Variants in RAB18 observed in about 807,000 individuals in gnomAD.
RAB18 encodes the protein RAB18, member RAS oncogene family.
A neutral mutation model predicts 28.5 loss-of-function variants in RAB18; 10 were observed. That is an observed-to-expected ratio of 0.35 (90% CI 0.22 to 0.60). The LOEUF is 0.60. RAB18 is among the 20% of genes least tolerant of loss of function. The probability of loss-of-function intolerance (pLI) is 0.78; values close to 1 mark genes in which losing one functional copy is unlikely to be tolerated. For missense variants in RAB18, 188 were observed against 244.2 expected (o/e 0.77, Z 1.53); for synonymous variants, 93 against 86.9 (o/e 1.07, Z -0.39).
chr10:27,518,040 C>T (rs1834473095), intron 2 of RAB18, among the ~76,000 whole-genome samples: 1 of 152,066 alleles, frequency 6.6e-6, no homozygotes, highest in South Asian at 2.1e-4. Flanking sequence ...CTTTGAGCTT[C>T]ATCCAAGTTC....
intron 2 of RAB18, 135 bp downstream of exon 2, chr10:27,510,065 G>T: frequency 1.4e-6 from 1 of 725,714 alleles, no homozygotes; most frequent in South Asian, 1.5e-5. Context: ...TGTCCTTCAA[G>T]ACTTAATTTT....
At chr10:27,529,609 T>G (rs529805129) in intron 3 of RAB18, among the ~76,000 whole-genome samples, 1 of 152,080 alleles carries the variant, frequency 6.6e-6, no homozygotes, top group African/African-American at 2.4e-5. Flanking sequence ...AGCCCTGAGT[T>G]TATCTATATA....
chr10:27,521,895 A>G (rs1834562496), intron 2 of RAB18, among the ~76,000 whole-genome samples: 1 of 152,030 alleles, frequency 6.6e-6, no homozygotes, highest in African/African-American at 2.4e-5. Context: ...AAAAAAAACA[A>G]GAGGGTGATG....
At chr10:27,520,744 C>T (rs541999951) in intron 2 of RAB18, among the ~76,000 whole-genome samples, 1 of 151,604 alleles carries the variant, frequency 6.6e-6, no homozygotes, top group East Asian at 1.9e-4. Flanking sequence ...TGGTGAAACC[C>T]CGTCTCTACT....
chr10:27,515,369 T>C (rs997379592), intron 2 of RAB18, among the ~76,000 whole-genome samples: 15 of 152,182 alleles, frequency 9.9e-5, no homozygotes, highest in African/African-American at 3.1e-4. Context: ...CTTTAAAAAC[T>C]ATTTTCAAAT....
intron 1 of RAB18, among the ~76,000 whole-genome samples, chr10:27,507,788 A>G (rs902271708): frequency 2.0e-5 from 3 of 151,966 alleles, no homozygotes; most frequent in African/African-American, 4.8e-5. Flanking sequence ...CTGTAATCCT[A>G]GCTACTCGGG....
chr10:27,509,240 T>C (rs927594020), intron 1 of RAB18, among the ~76,000 whole-genome samples: 7 of 152,192 alleles, frequency 4.6e-5, no homozygotes, highest in Non-Finnish European at 1.0e-4. Flanking sequence ...GCAGTACTTG[T>C]CTTAACTTTC....
In RAB18 at chr10:27,504,337, G is replaced by C; in HGVS notation, c.-33G>C. The C allele has an allele frequency of 2.6e-6, 4 of 1,561,374 alleles. No homozygotes were observed. Among genetic ancestry groups the C allele is most frequent in the Non-Finnish European group, 3.5e-6 (4 of 1,153,348 alleles). On this transcript the variant is annotated 5_prime_UTR_variant, in exon 1 of 7. Coordinates refer to ENST00000356940, the MANE Select transcript of RAB18 (RefSeq NM_021252.5). The stretch of plus-strand genomic sequence containing the variant: ...GAAGGGCTGAGAGGCGCACCCGGGC[G>C]GCCAGCTGGGCTCGGAGCGGAACGG...
chr10:27,539,545 T>G lies in RAB18; in HGVS notation c.*1494T>G, dbSNP rs1190369220. 2.5e-6 allele frequency: 1 copy of G among 406,830 alleles called. No individual in the cohort carries two copies. The highest frequency in any genetic ancestry group is 4.8e-6 in the Non-Finnish European group (1 of 208,618). The allele number at this position is 406,830 out of a possible 1,614,324, so 25.2% of individuals were successfully genotyped here. A position where few individuals can be genotyped will look rare whatever the true frequency, so the allele number is the denominator to read the frequency against. ...ATGCTTTTACTAAATATACAAGATT[T>G]ACTACTAGAAATTTGGAGAAAGAAC... On this transcript the variant is annotated 3_prime_UTR_variant, in exon 7 of 7. Transcript: ENST00000356940.
chr10:27,532,685 CT>C, intron 4 of RAB18, 106 bp downstream of exon 4: 1 of 823,164 alleles, frequency 1.2e-6, no homozygotes, highest in Non-Finnish European at 2.0e-6. Context: ...GTTAGAGCTA[CT>C]TTTATGTAAC....
At chr10:27,523,681 C>T (rs532379724) in intron 2 of RAB18, among the ~76,000 whole-genome samples, 42 of 149,778 alleles carry the variant, frequency 2.8e-4, no homozygotes, top group South Asian at 1.3e-3. Context: ...AGCACAACCA[C>T]GGCACATTTC....
Position 27,533,737 on chromosome 10 carries a change from T to C in RAB18, c.262T>C (p.Tyr88His). The part of the protein sequence containing the change: ...YRGAQGVILV[Y>H]DVTRRDTFVK... ...ACAAATGACTCCTTTTATTTCAGTT[T>C]ATGATGTCACAAGAAGAGATACATT... Residue 88 changes from tyrosine to histidine, a missense_variant and splice_region_variant, in exon 5 of 7, where the codon TAT becomes CAT. Physicochemically the swap from Tyr to His is moderately conservative, Grantham distance 83. Coordinates refer to ENST00000356940, the MANE Select transcript of RAB18 (RefSeq NM_021252.5). 1 of 1,613,166 alleles carries C rather than the reference T, an allele frequency of 6.2e-7. No individual in the cohort carries two copies. Among genetic ancestry groups the C allele is most frequent in the South Asian group, 1.1e-5 (1 of 90,968 alleles).
rs559847574 is a variant in RAB18, at chr10:27,511,679, T to C, written c.124+1749T>C. 7.9e-5 allele frequency among the ~76,000 whole-genome samples: 12 copies of C among 152,342 alleles called. No homozygotes were observed. In the South Asian group the frequency reaches 2.5e-3, roughly 32 times the overall value. On this transcript the variant is annotated intron_variant, in intron 2 of 6. Coordinates refer to ENST00000356940, the MANE Select transcript of RAB18 (RefSeq NM_021252.5). ...AGTTTTGGCAGCAATTCCACAGAAG[T>C]GTTTTTCAGAACATAGTGTCAGTGA...
chr10:27,538,733 G>C lies in RAB18; in HGVS notation c.*682G>C, dbSNP rs1046969900. The C allele has an allele frequency of 2.2e-6, 1 of 453,984 alleles. No individual in the cohort carries two copies. The highest frequency in any genetic ancestry group is 4.4e-6 in the Non-Finnish European group (1 of 226,790). 28.1% of individuals were successfully genotyped at this position (453,984 alleles called of 1,614,324 possible). ...CCTGTGATATGTACATTGGATTCATGACTGTGCAGCATTTTTAGTTATGTG... is the reference window on the plus strand; with the variant it reads ...CCTGTGATATGTACATTGGATTCATCACTGTGCAGCATTTTTAGTTATGTG... On this transcript the variant is annotated 3_prime_UTR_variant, in exon 7 of 7. Coordinates refer to ENST00000356940, the MANE Select transcript of RAB18 (RefSeq NM_021252.5).
At chr10:27,507,879 A>C (rs1389643287) in intron 1 of RAB18, among the ~76,000 whole-genome samples, 1 of 152,014 alleles carries the variant, frequency 6.6e-6, no homozygotes, top group Non-Finnish European at 1.5e-5. Flanking sequence ...CTCTAAAAAA[A>C]TAAAAATAAA....
chr10:27,525,133 G>A (rs1834645977), intron 2 of RAB18, among the ~76,000 whole-genome samples: 1 of 152,188 alleles, frequency 6.6e-6, no homozygotes, highest in African/African-American at 2.4e-5. Flanking sequence ...TAGAGAAAGA[G>A]GAGTTGGGGT....
intron 4 of RAB18, among the ~76,000 whole-genome samples, chr10:27,532,825 T>C (rs187087583): frequency 1.2e-3 from 186 of 152,222 alleles, no homozygotes; most frequent in African/African-American, 4.1e-3. Context: ...GAGAACGTAA[T>C]TGAGGATTAA....
intron 2 of RAB18, among the ~76,000 whole-genome samples, chr10:27,524,108 T>C (rs1308838187): frequency 6.6e-6 from 1 of 152,060 alleles, no homozygotes; most frequent in Non-Finnish European, 1.5e-5. Flanking sequence ...AAAATTTATT[T>C]TTGTCAAGAC....
Position 27,538,434 on chromosome 10 carries a change from C to T in RAB18, c.*383C>T, listed in dbSNP as rs1394941161. On this transcript the variant is annotated 3_prime_UTR_variant, in exon 7 of 7. Coordinates refer to ENST00000356940, the MANE Select transcript of RAB18 (RefSeq NM_021252.5). ...CTGAATTACTTGGTATTTAGAACTC[C>T]TAGCACCACGGGGAAGAATAGAGGT... 1 of 456,128 alleles carries T rather than the reference C, an allele frequency of 2.2e-6. No homozygotes were observed. The highest frequency in any genetic ancestry group is 2.0e-5 in the African/African-American group (1 of 50,074). 28.3% of individuals were successfully genotyped at this position (456,128 alleles called of 1,614,324 possible).
Sources: gnomAD v4.1 joint callset for allele counts (sites outside exome capture counted in the v4.1 genomes callset) on GRCh38, gnomAD v4.1.1 for gene constraint, MANE v1.5 for transcripts, NCBI Gene and HGNC (gene_info 2026-07-23, HGNC 2026-07-21) for gene names.